Variants in SPMIP11 observed in about 807,000 individuals in gnomAD.
The protein encoded by SPMIP11 is sperm microtubule inner protein 11.
the SPMIP11 span, among the ~76,000 whole-genome samples, chr12:48,750,755 T>A: frequency 6.6e-6 from 1 of 152,172 alleles, no homozygotes; most frequent in Non-Finnish European, 1.5e-5. Context: ...AGTTCCTGAA[T>A]CTCCAGTCAC....
chr12:48,751,901 T>A, the SPMIP11 span, among the ~76,000 whole-genome samples: 1 of 151,882 alleles, frequency 6.6e-6, no homozygotes, highest in South Asian at 2.1e-4. Context: ...ACTTCATCCC[T>A]ACTAAAAATA....
chr12:48,731,490 C>CAAA, the SPMIP11 span, among the ~76,000 whole-genome samples: 1 of 135,088 alleles, frequency 7.4e-6, no homozygotes, highest in Non-Finnish European at 1.6e-5. Context: ...GACTCCATCT[C>CAAA]AAAAAAAAAA....
At chr12:48,737,977 C>T in the SPMIP11 span, among the ~76,000 whole-genome samples, 1 of 151,922 alleles carries the variant, frequency 6.6e-6, no homozygotes, top group Non-Finnish European at 1.5e-5. Flanking sequence ...GTGCAGGCTA[C>T]CATGTCTGGC....
the SPMIP11 span, among the ~76,000 whole-genome samples, chr12:48,755,825 G>A: frequency 6.6e-6 from 1 of 151,350 alleles, no homozygotes; most frequent in South Asian, 2.1e-4. Flanking sequence ...ACTATTCTCA[G>A]TCTAGACTGG....
the SPMIP11 span, among the ~76,000 whole-genome samples, chr12:48,758,356 G>A: frequency 6.6e-6 from 1 of 152,168 alleles, no homozygotes; most frequent in African/African-American, 2.4e-5. Flanking sequence ...CTGGCCCCAA[G>A]GATGCTGGGC....
chr12:48,757,373 C>A, the SPMIP11 span, among the ~76,000 whole-genome samples: 39,334 of 151,920 alleles, frequency 0.26, 6,003 homozygotes, highest in East Asian at 0.74. Context: ...ATTGGCTGGG[C>A]GCAGTGCCTC....
the SPMIP11 span, among the ~76,000 whole-genome samples, chr12:48,738,539 C>CTTT: frequency 7.0e-6 from 1 of 142,972 alleles, no homozygotes; most frequent in Non-Finnish European, 1.5e-5. Flanking sequence ...TCTTTTTTTT[C>CTTT]TTTTTTTTTT....
At chr12:48,764,992 C>T in the SPMIP11 span, 2 of 702,576 alleles carry the variant, frequency 2.8e-6, no homozygotes, top group Non-Finnish European at 5.2e-6. Flanking sequence ...AGCGCGATGA[C>T]CAGGTTAGGC....
the SPMIP11 span, among the ~76,000 whole-genome samples, chr12:48,769,911 A>G: frequency 9.2e-5 from 14 of 151,508 alleles, no homozygotes; most frequent in East Asian, 2.1e-3. Context: ...ATAGGCGCCC[A>G]CCACCACACC....
chr12:48,734,596 GA>G, the SPMIP11 span, among the ~76,000 whole-genome samples: 1 of 152,090 alleles, frequency 6.6e-6, no homozygotes, highest in Non-Finnish European at 1.5e-5. Context: ...CCTCCCTTTT[GA>G]GTGTGGGTAG....
At chr12:48,765,930 T>C in the SPMIP11 span, 1 of 432,412 alleles carries the variant, frequency 2.3e-6, no homozygotes, top group African/African-American at 2.0e-5. Flanking sequence ...GCCAAGGCAC[T>C]GGAAAGAACC....
the SPMIP11 span, among the ~76,000 whole-genome samples, chr12:48,760,334 T>A: frequency 6.6e-6 from 1 of 151,900 alleles, no homozygotes; most frequent in Non-Finnish European, 1.5e-5. Flanking sequence ...CCACCAAGCC[T>A]GGCTAATTTT....
chr12:48,733,200 G>A, the SPMIP11 span, among the ~76,000 whole-genome samples: 28 of 147,540 alleles, frequency 1.9e-4, no homozygotes, highest in Middle Eastern at 3.3e-3. Context: ...TCAGCCTCCC[G>A]AGTAGCTGGT....
chr12:48,741,647 CTTT>C, the SPMIP11 span, among the ~76,000 whole-genome samples: 5 of 133,564 alleles, frequency 3.7e-5, no homozygotes, highest in Admixed American at 7.6e-5. Context: ...TGTAAGTATT[CTTT>C]TTTTTTTTTT....
chr12:48,755,917 G>A, the SPMIP11 span, among the ~76,000 whole-genome samples: 1 of 119,074 alleles, frequency 8.4e-6, no homozygotes, highest in African/African-American at 3.2e-5. Flanking sequence ...TTGCTCTGTT[G>A]CCCAGGCTGG....
the SPMIP11 span, among the ~76,000 whole-genome samples, chr12:48,756,704 G>A: frequency 6.6e-6 from 1 of 151,702 alleles, no homozygotes; most frequent in African/African-American, 2.4e-5. Flanking sequence ...GGAATGGGAT[G>A]ACTTCTGCTC....
the SPMIP11 span, among the ~76,000 whole-genome samples, chr12:48,740,493 CTTT>C: frequency 5.1e-5 from 7 of 138,468 alleles, no homozygotes; most frequent in Admixed American, 7.4e-5. Flanking sequence ...AAATGTCTCT[CTTT>C]TTTTTTTTTT....
At chr12:48,739,259 C>T in the SPMIP11 span, among the ~76,000 whole-genome samples, 1 of 152,132 alleles carries the variant, frequency 6.6e-6, no homozygotes, top group African/African-American at 2.4e-5. Context: ...AGGGAGTTGT[C>T]CATTATGGGC....
the SPMIP11 span, chr12:48,768,758 C>A: frequency 5.0e-6 from 8 of 1,605,542 alleles, no homozygotes; most frequent in Non-Finnish European, 6.8e-6. Context: ...TGGAATCCTT[C>A]CTGCTGCATT....
Sources: gnomAD v4.1 joint callset for allele counts (sites outside exome capture counted in the v4.1 genomes callset) on GRCh38, gnomAD v4.1.1 for gene constraint, MANE v1.5 for transcripts, NCBI Gene and HGNC (gene_info 2026-07-23, HGNC 2026-07-21) for gene names.